Variants in GRIK1 observed in about 807,000 individuals in gnomAD.
The protein encoded by GRIK1 is glutamate receptor ionotropic, kainate 1.
Under a neutral mutation model 105.7 loss-of-function variants are expected in GRIK1, and 69 were observed. That is an observed-to-expected ratio of 0.65 (90% confidence interval 0.54 to 0.80). The LOEUF (loss-of-function observed/expected upper bound fraction) is 0.80, where lower values mean the gene tolerates loss of function less well. GRIK1 is among the 30% of genes least tolerant of loss of function. GRIK1 has a pLI of 0.00. For synonymous variants in GRIK1, 438 were observed against 431.3 expected, an observed-to-expected ratio of 1.02 and a Z score of -0.19; for missense variants, 1,109 against 1,167.3, an observed-to-expected ratio of 0.95 and a Z score of 0.73.
chr21:29,638,294 C>T (rs1053719209), intron 7 of GRIK1, among the ~76,000 whole-genome samples: 2 of 151,952 alleles, frequency 1.3e-5, no homozygotes, highest in African/African-American at 2.4e-5. Flanking sequence ...GAGGAGAAAG[C>T]GAAAGGGGAA....
chr21:29,586,680 G>C (rs1012623613), intron 12 of GRIK1, among the ~76,000 whole-genome samples: 1 of 152,094 alleles, frequency 6.6e-6, no homozygotes, highest in South Asian at 2.1e-4. Context: ...TCTATTGAAA[G>C]GTATAAAAAT....
chr21:29,611,003 C>G (rs1240721994), intron 7 of GRIK1, among the ~76,000 whole-genome samples: 1 of 151,978 alleles, frequency 6.6e-6, no homozygotes, highest in African/African-American at 2.4e-5. Flanking sequence ...TGACATCAGA[C>G]TTTTGGTAAT....
At chr21:29,668,089 G>A (rs2146625784) in intron 4 of GRIK1, among the ~76,000 whole-genome samples, 1 of 152,256 alleles carries the variant, frequency 6.6e-6, no homozygotes, top group African/African-American at 2.4e-5. Flanking sequence ...ACAGTTCTTG[G>A]CTCATTCATT....
intron 6 of GRIK1, among the ~76,000 whole-genome samples, chr21:29,650,376 C>T (rs2062706611): frequency 6.6e-6 from 1 of 152,140 alleles, no homozygotes; most frequent in South Asian, 2.1e-4. Context: ...AATATCTTTC[C>T]CCTTAGATGG....
chr21:29,615,053 A>G (rs1336938136), intron 7 of GRIK1, among the ~76,000 whole-genome samples: 3 of 151,838 alleles, frequency 2.0e-5, no homozygotes, highest in Middle Eastern at 3.4e-3. Context: ...TGAATGAGCG[A>G]TAGAATCTAT....
intron 16 of GRIK1, among the ~76,000 whole-genome samples, chr21:29,545,594 T>A (rs948613454): frequency 6.6e-6 from 1 of 152,196 alleles, no homozygotes; most frequent in Non-Finnish European, 1.5e-5. Context: ...TAAGCTAAAC[T>A]GATCGTGATG....
chr21:29,592,411 T>C (rs1343096098), intron 9 of GRIK1, among the ~76,000 whole-genome samples: 1 of 152,204 alleles, frequency 6.6e-6, no homozygotes, highest in Non-Finnish European at 1.5e-5. Flanking sequence ...AGTGGCCAAG[T>C]CACTCCTGGG....
At chr21:29,582,525 A>G (rs2091045046) in intron 12 of GRIK1, among the ~76,000 whole-genome samples, 1 of 152,146 alleles carries the variant, frequency 6.6e-6, no homozygotes. Flanking sequence ...GAGGGAATCC[A>G]GATATCTCTG....
At chr21:29,801,092 C>T (rs990642185) in intron 1 of GRIK1, among the ~76,000 whole-genome samples, 2 of 151,898 alleles carry the variant, frequency 1.3e-5, no homozygotes, top group African/African-American at 4.8e-5. Context: ...GTGTTGAGTA[C>T]CTTGTTGAAG....
intron 1 of GRIK1, among the ~76,000 whole-genome samples, chr21:29,795,848 A>G (rs1255043355): frequency 6.6e-6 from 1 of 152,154 alleles, no homozygotes; most frequent in Non-Finnish European, 1.5e-5. Flanking sequence ...TAGTGAGGCT[A>G]TCAACTTTTT....
intron 9 of GRIK1, among the ~76,000 whole-genome samples, chr21:29,592,928 C>T (rs999923010): frequency 6.6e-6 from 1 of 152,122 alleles, no homozygotes; most frequent in African/African-American, 2.4e-5. Context: ...TATGCTTGGT[C>T]CCTAAATATG....
At chr21:29,864,811 G>C (rs1404464749) in intron 1 of GRIK1, among the ~76,000 whole-genome samples, 1 of 152,166 alleles carries the variant, frequency 6.6e-6, no homozygotes, top group African/African-American at 2.4e-5. Flanking sequence ...TGTGGGACCT[G>C]ACGGACTTTA....
At chr21:29,847,531 G>A (rs2146030651) in intron 1 of GRIK1, among the ~76,000 whole-genome samples, 1 of 152,246 alleles carries the variant, frequency 6.6e-6, no homozygotes, top group Non-Finnish European at 1.5e-5. Flanking sequence ...GAGGTGGAGG[G>A]TGCAGTGAGC....
intron 17 of GRIK1, among the ~76,000 whole-genome samples, 166 bp from the exon 18 acceptor site, chr21:29,537,551 C>G (rs987083298): frequency 6.6e-6 from 1 of 152,066 alleles, no homozygotes; most frequent in Non-Finnish European, 1.5e-5. Flanking sequence ...GGCCACCCAC[C>G]TTTTCTAATC....
At chr21:29,715,996 A>ATGGGGG (rs2064168046) in intron 1 of GRIK1, among the ~76,000 whole-genome samples, 1 of 152,092 alleles carries the variant, frequency 6.6e-6, no homozygotes, top group Non-Finnish European at 1.5e-5. Context: ...TAATTGAATC[A>ATGGGGG]TGGGGGTGGT....
At chr21:29,655,730 A>C (rs1179858558) in intron 4 of GRIK1, among the ~76,000 whole-genome samples, 1 of 152,104 alleles carries the variant, frequency 6.6e-6, no homozygotes, top group Non-Finnish European at 1.5e-5. Context: ...AAGGATAGGG[A>C]CTATTCTGAC....
chr21:29,902,500 A>G (rs1020517231), intron 1 of GRIK1, among the ~76,000 whole-genome samples: 1 of 152,154 alleles, frequency 6.6e-6, no homozygotes, highest in African/African-American at 2.4e-5. Context: ...TTATACACCA[A>G]TAACAGACAG....
intron 1 of GRIK1, among the ~76,000 whole-genome samples, chr21:29,788,335 G>T (rs2066317405): frequency 6.6e-6 from 1 of 152,174 alleles, no homozygotes; most frequent in African/African-American, 2.4e-5. Flanking sequence ...AACGCCATGT[G>T]GTATCTGGGA....
At chr21:29,870,383 G>A (rs1425998298) in intron 1 of GRIK1, among the ~76,000 whole-genome samples, 4 of 151,766 alleles carry the variant, frequency 2.6e-5, no homozygotes, top group Non-Finnish European at 5.9e-5. Context: ...AGTTTATATT[G>A]CCTTTATCTT....
Sources: allele counts gnomAD v4.1 joint callset (sites outside exome capture counted in the v4.1 genomes callset), GRCh38; gene constraint gnomAD v4.1.1; transcripts MANE v1.5; gene names NCBI Gene and HGNC (gene_info 2026-07-23, HGNC 2026-07-21).